Variants in TCF4 observed in about 807,000 individuals in gnomAD.
TCF4 encodes SL3-3 enhancer factor 2.
Under a neutral mutation model 82.1 loss-of-function variants are expected in TCF4, and 3 were observed. The observed-to-expected ratio is 0.04, with a 90% CI of 0.02 to 0.09. TCF4 has a LOEUF of 0.09. Among genes scored for constraint, TCF4 ranks in the 10% least tolerant of loss-of-function variants. The pLI is 1.00. For missense variants in TCF4, 518 were observed against 852.7 expected (o/e 0.61, Z 4.89); for synonymous variants, 276 against 309.6 (o/e 0.89, Z 1.14).
chr18:55,229,808 T>C (rs1471557008), intron 17 of TCF4: 5 of 152,392 alleles, frequency 3.3e-5, no homozygotes, highest in South Asian at 2.1e-4. Context: ...CAGAACAAGT[T>C]TGGGAAACCT....
intron 8 of TCF4, among the ~76,000 whole-genome samples, chr18:55,306,907 A>T (rs2070556539): frequency 6.6e-6 from 1 of 152,210 alleles, no homozygotes; most frequent in African/African-American, 2.4e-5. Flanking sequence ...CCTTCTGGGA[A>T]AAGTGAGTTG....
intron 3 of TCF4, among the ~76,000 whole-genome samples, chr18:55,474,416 G>A (rs1400428192): frequency 6.6e-6 from 1 of 152,142 alleles, no homozygotes; most frequent in Non-Finnish European, 1.5e-5. Context: ...CAGAAAAAAT[G>A]CGACAATATT....
At chr18:55,247,497 A>G (rs2053637393) in intron 15 of TCF4, among the ~76,000 whole-genome samples, 1 of 152,220 alleles carries the variant, frequency 6.6e-6, no homozygotes, top group African/African-American at 2.4e-5. Context: ...CAGGACAATG[A>G]AAGCATCAAA....
intron 1 of TCF4, 98 bp downstream of exon 1, chr18:55,587,940 G>C: frequency 1.1e-6 from 1 of 939,744 alleles, no homozygotes; most frequent in Non-Finnish European, 1.3e-6. Flanking sequence ...GGAGCCCGCG[G>C]CGCGGGAGGC....
chr18:55,310,395 T>A lies in TCF4; in HGVS notation c.550-30739A>T, dbSNP rs191142110. Reference sequence around the variant, plus strand: ...AACTTTGTATATCATGGGGAGGAAATTGAAGAGTGGCTCAAGTTACTGTGA... The same window carrying A: ...AACTTTGTATATCATGGGGAGGAAAATGAAGAGTGGCTCAAGTTACTGTGA... On this transcript the variant is annotated intron_variant, in intron 8 of 19. Transcript: ENST00000354452. 2.3e-4 allele frequency among the ~76,000 whole-genome samples: 35 copies of A among 152,226 alleles called. 1 individual carries two copies. The highest frequency in any genetic ancestry group is 8.2e-4 in the African/African-American group (34 of 41,532).
chr18:55,250,401 C>T (rs2054641430), intron 15 of TCF4, among the ~76,000 whole-genome samples: 1 of 152,198 alleles, frequency 6.6e-6, no homozygotes, highest in Non-Finnish European at 1.5e-5. Flanking sequence ...CAACACTTAT[C>T]AAGTTTTGAA....
At chr18:55,406,909 A>T (rs2094120899) in intron 5 of TCF4, among the ~76,000 whole-genome samples, 1 of 152,250 alleles carries the variant, frequency 6.6e-6, no homozygotes, top group Non-Finnish European at 1.5e-5. Context: ...TTTTTGGCAC[A>T]AAGACAATGG....
Position 55,516,263 on chromosome 18 carries a change from A to G in TCF4, c.146-52126T>C, listed in dbSNP as rs183150565. Among the ~76,000 whole-genome samples, 171 of 152,278 alleles carry G rather than the reference A, an allele frequency of 1.1e-3. 1 individual carries two copies. Among genetic ancestry groups the G allele is most frequent in the Non-Finnish European group, 5.4e-4 (37 of 68,016 alleles). The stretch of plus-strand genomic sequence containing the variant: ...TCCCTGACTCTTAAACAGGGATGAC[A>G]GTTCACTTAACTTTTTCTATGACAT... On this transcript the variant is annotated intron_variant, in intron 3 of 19. Transcript: ENST00000354452.
intron 6 of TCF4, chr18:55,402,317 G>T (rs1473227208): frequency 2.4e-5 from 19 of 783,982 alleles, no homozygotes; most frequent in Non-Finnish European, 2.6e-5. Context: ...TGTCTGGTAC[G>T]TAAAGGAAAC....
intron 5 of TCF4, among the ~76,000 whole-genome samples, chr18:55,449,530 A>G (rs2095584681): frequency 2.6e-5 from 4 of 152,226 alleles, no homozygotes; most frequent in Admixed American, 2.6e-4. Flanking sequence ...AATTAAGTGC[A>G]ATCAGTTACA....
intron 6 of TCF4, among the ~76,000 whole-genome samples, chr18:55,395,130 A>G (rs2093413146): frequency 6.6e-6 from 1 of 152,184 alleles, no homozygotes; most frequent in Non-Finnish European, 1.5e-5. Context: ...GTCATTTCAC[A>G]TTGAAACACT....
chr18:55,403,908 T>C (rs371750096), intron 5 of TCF4: 41 of 1,426,140 alleles, frequency 2.9e-5, no homozygotes, highest in Middle Eastern at 2.6e-4. Context: ...ATTGATTATA[T>C]TGACACTTAA....
At chr18:55,237,467 C>CGT (rs2049833788) in intron 15 of TCF4, among the ~76,000 whole-genome samples, 2 of 122,672 alleles carry the variant, frequency 1.6e-5, no homozygotes, top group African/African-American at 6.2e-5. Context: ...GTTGTTCTGA[C>CGT]TTTTTTTTTT....
At chr18:55,275,164 G>A (rs2061213856) in intron 10 of TCF4, among the ~76,000 whole-genome samples, 1 of 150,666 alleles carries the variant, frequency 6.6e-6, no homozygotes, top group South Asian at 2.1e-4. Context: ...ATCACAACAG[G>A]CCAAAGCTGA....
chr18:55,476,926 T>C (rs1389763436), intron 3 of TCF4, among the ~76,000 whole-genome samples: 1 of 152,192 alleles, frequency 6.6e-6, no homozygotes. Context: ...TGTGTGTGCA[T>C]GTGTGTGCAT....
At chr18:55,559,378 G>A (rs962143636) in intron 3 of TCF4, among the ~76,000 whole-genome samples, 8 of 152,026 alleles carry the variant, frequency 5.3e-5, no homozygotes, top group Admixed American at 5.2e-4. Flanking sequence ...ATGTGTAAAT[G>A]AATAAATAAC....
At chr18:55,442,424 A>G (rs2095454185) in intron 5 of TCF4, among the ~76,000 whole-genome samples, 1 of 152,242 alleles carries the variant, frequency 6.6e-6, no homozygotes, top group Admixed American at 6.5e-5. Flanking sequence ...TTTATTTTAA[A>G]GACCCCAATT....
intron 15 of TCF4, among the ~76,000 whole-genome samples, chr18:55,252,642 T>C (rs1008666775): frequency 3.3e-5 from 5 of 152,182 alleles, no homozygotes; most frequent in Non-Finnish European, 7.4e-5. Flanking sequence ...CATATGGTAT[T>C]TAAGAAAAAC....
chr18:55,310,674 T>C (rs1025776704), intron 8 of TCF4, among the ~76,000 whole-genome samples: 2 of 152,330 alleles, frequency 1.3e-5, no homozygotes, highest in African/African-American at 2.4e-5. Context: ...GGAAAGAACA[T>C]CTTCAATGTT....
Sources: allele counts gnomAD v4.1 joint callset (sites outside exome capture counted in the v4.1 genomes callset), GRCh38; gene constraint gnomAD v4.1.1; transcripts MANE v1.5; gene names NCBI Gene and HGNC (gene_info 2026-07-23, HGNC 2026-07-21).